Variants in TMEM232 observed in about 807,000 individuals in gnomAD.
TMEM232 encodes the protein transmembrane protein 232.
Under a neutral mutation model 78.8 loss-of-function variants are expected in TMEM232, and 80 were observed. The observed-to-expected ratio is 1.01, with a 90% CI of 0.85 to 1.22. The LOEUF (loss-of-function observed/expected upper bound fraction) is 1.22. TMEM232 is among the 50% of genes most tolerant of loss of function. The pLI, the probability that TMEM232 is intolerant of heterozygous loss-of-function variation, is 0.00. For missense variants in TMEM232, 881 were observed against 742.2 expected (o/e 1.19, Z -2.17); for synonymous variants, 297 against 254.3 (o/e 1.17, Z -1.60).
rs528771048 is a variant in TMEM232 at position 110,735,347 on chromosome 5, T to C, written c.-125-332A>G. 3.9e-5 allele frequency among the ~76,000 whole-genome samples: 6 copies of C among 152,316 alleles called. No homozygotes were observed. In the East Asian group the frequency reaches 7.7e-4, roughly 20 times the overall value. On this transcript the variant is annotated intron_variant, in intron 1 of 4. Coordinates refer to the TMEM232 transcript ENST00000512886. ...ATAATAATGACTGGACTTTCGAAAA[T>C]ATGTATTAAGCCCGTTGGGGGGTGG...
intron 10 of TMEM232, among the ~76,000 whole-genome samples, chr5:110,576,687 A>G (rs1177843734): frequency 2.0e-5 from 3 of 152,136 alleles, no homozygotes; most frequent in African/African-American, 7.2e-5. Context: ...AAAAACAGAT[A>G]CATAGACCAA....
intron 12 of TMEM232, among the ~76,000 whole-genome samples, chr5:110,472,731 G>C: frequency 6.6e-6 from 1 of 151,932 alleles, no homozygotes; most frequent in African/African-American, 2.4e-5. Context: ...TGAATACATA[G>C]ACCAATGGGA....
chr5:110,738,417 CT>C (rs1292112183), upstream of TMEM232, among the ~76,000 whole-genome samples: 5 of 152,206 alleles, frequency 3.3e-5, no homozygotes, highest in Non-Finnish European at 7.3e-5. Context: ...CGCGTAATTT[CT>C]AACTCCAGGA....
chr5:110,393,233 T>A (rs1242546902), intron 3 of TMEM232, among the ~76,000 whole-genome samples: 1 of 152,226 alleles, frequency 6.6e-6, no homozygotes, highest in African/African-American at 2.4e-5. Flanking sequence ...TGTCTACTTG[T>A]TCTATCAAAT....
intron 11 of TMEM232, among the ~76,000 whole-genome samples, chr5:110,530,150 A>G (rs1443293319): frequency 3.3e-5 from 5 of 152,230 alleles, no homozygotes; most frequent in Non-Finnish European, 7.3e-5. Flanking sequence ...CTGATTATTG[A>G]ATTATTTAGA....
At chr5:110,611,821 A>G (rs1782319109) in intron 8 of TMEM232, among the ~76,000 whole-genome samples, 1 of 152,170 alleles carries the variant, frequency 6.6e-6, no homozygotes. Flanking sequence ...GTCAAGAGAC[A>G]ATAAGAGCCC....
chr5:110,705,708 G>GTGTA (rs753783125), intron 1 of TMEM232, among the ~76,000 whole-genome samples: 22 of 107,910 alleles, frequency 2.0e-4, no homozygotes, highest in East Asian at 2.7e-4. Flanking sequence ...ATATGTGTGT[G>GTGTA]TATATATATA....
chr5:110,653,968 T>A (rs930478595), intron 2 of TMEM232, among the ~76,000 whole-genome samples: 2 of 152,110 alleles, frequency 1.3e-5, no homozygotes, highest in African/African-American at 4.8e-5. Flanking sequence ...AAAAAATAAT[T>A]AATCAAAGGA....
At position 110,536,719 on chromosome 5, in the gene TMEM232, G is replaced by A. The variant is rs1043010345; in HGVS notation, c.1456-7884C>T. Among the ~76,000 whole-genome samples, 9 of 152,166 alleles carry A rather than the reference G, an allele frequency of 5.9e-5. 1 individual carries two copies. The highest frequency in any genetic ancestry group is 4.6e-4 in the Admixed American group (7 of 15,272). ...AAAGAATGTTATAAAGAAAATAGATGACTGGTTGTTTAAAAAGAGGGATGG... is the reference window on the plus strand; with the variant it reads ...AAAGAATGTTATAAAGAAAATAGATAACTGGTTGTTTAAAAAGAGGGATGG... On this transcript the variant is annotated intron_variant, in intron 11 of 13. Transcript: ENST00000455884.
intron 10 of TMEM232, among the ~76,000 whole-genome samples, chr5:110,574,322 C>T (rs1174006741): frequency 4.6e-5 from 7 of 152,026 alleles, no homozygotes; most frequent in Non-Finnish European, 8.8e-5. Flanking sequence ...ACATTTAACT[C>T]TTTGAAGTAA....
intron 12 of TMEM232, among the ~76,000 whole-genome samples, chr5:110,446,118 C>G (rs190428884): frequency 6.6e-6 from 1 of 152,040 alleles, no homozygotes; most frequent in African/African-American, 2.4e-5. Context: ...ATCTATAGGC[C>G]TTTTTTCTTG....
chr5:110,428,681 T>A (rs1283811876), intron 12 of TMEM232, among the ~76,000 whole-genome samples: 1 of 151,622 alleles, frequency 6.6e-6, no homozygotes, highest in Admixed American at 6.6e-5. Context: ...TGAGTTTAAT[T>A]TCTCTCCTCC....
intron 12 of TMEM232, among the ~76,000 whole-genome samples, chr5:110,452,643 T>G (rs1356843252): frequency 6.6e-6 from 1 of 152,166 alleles, no homozygotes; most frequent in Non-Finnish European, 1.5e-5. Flanking sequence ...CATAAAAATT[T>G]CAGTATTCCT....
chr5:110,631,408 T>C (rs1383757405), intron 5 of TMEM232, among the ~76,000 whole-genome samples: 1 of 152,142 alleles, frequency 6.6e-6, no homozygotes, highest in Non-Finnish European at 1.5e-5. Flanking sequence ...CAGCAATTGC[T>C]GCCACTGGGA....
intron 1 of TMEM232, chr5:110,725,604 A>T (rs1798073003): frequency 6.6e-6 from 1 of 152,202 alleles, no homozygotes; most frequent in African/African-American, 2.4e-5. Context: ...TCAATCAAGT[A>T]TGTATGTGGA....
At chr5:110,481,001 T>A (rs1309021420) in intron 12 of TMEM232, among the ~76,000 whole-genome samples, 1 of 152,084 alleles carries the variant, frequency 6.6e-6, no homozygotes, top group African/African-American at 2.4e-5. Flanking sequence ...GTTAATAGGC[T>A]TGGTTAGTTG....
At chr5:110,509,426 C>G (rs1580997022) in intron 12 of TMEM232, among the ~76,000 whole-genome samples, 2 of 151,964 alleles carry the variant, frequency 1.3e-5, no homozygotes, top group Non-Finnish European at 2.9e-5. Flanking sequence ...TAGAGCAAGA[C>G]CATATCTCCA....
chr5:110,717,078 T>C (rs1223165968), intron 1 of TMEM232, among the ~76,000 whole-genome samples: 2 of 152,134 alleles, frequency 1.3e-5, no homozygotes, highest in Non-Finnish European at 2.9e-5. Flanking sequence ...ATAGGCAATC[T>C]GGACTAGAAC....
chr5:110,659,062 T>C (rs921630356), intron 2 of TMEM232, among the ~76,000 whole-genome samples: 2 of 152,270 alleles, frequency 1.3e-5, no homozygotes, highest in South Asian at 2.1e-4. Flanking sequence ...ACATGCTTAT[T>C]TTCTTCCCAT....
Sources: gnomAD v4.1 joint callset for allele counts (sites outside exome capture counted in the v4.1 genomes callset) on GRCh38, gnomAD v4.1.1 for gene constraint, MANE v1.5 for transcripts, NCBI Gene and HGNC (gene_info 2026-07-23, HGNC 2026-07-21) for gene names.